Variants in MAP2 observed in about 807,000 individuals in gnomAD.
MAP2 encodes the protein microtubule-associated protein 2.
In MAP2, 14 loss-of-function variants were observed where a neutral mutation model predicts 137.6. That is an observed-to-expected ratio of 0.10 (90% CI 0.07 to 0.16). MAP2 has a LOEUF of 0.16. Ranked by LOEUF, MAP2 falls within the 10% of genes least tolerant of loss-of-function variation. The pLI is 1.00. For missense variants in MAP2, 2,088 were observed against 2,191.5 expected (o/e 0.95, Z 0.94); for synonymous variants, 786 against 782.3 (o/e 1.00, Z -0.08).
At chr2:209,521,007 T>C (rs1001122576) in intron 2 of MAP2, among the ~76,000 whole-genome samples, 1 of 152,094 alleles carries the variant, frequency 6.6e-6, no homozygotes, top group Admixed American at 6.6e-5. Context: ...ATAGTATCTT[T>C]CTTCTTTTGA....
At chr2:209,535,264 C>G (rs560295410) in intron 2 of MAP2, among the ~76,000 whole-genome samples, 1 of 152,208 alleles carries the variant, frequency 6.6e-6, no homozygotes, top group Non-Finnish European at 1.5e-5. Flanking sequence ...TCAATTTGTT[C>G]TTTGTATTTT....
intron 2 of MAP2, among the ~76,000 whole-genome samples, chr2:209,541,491 T>G (rs2067028267): frequency 6.6e-6 from 1 of 151,230 alleles, no homozygotes; most frequent in African/African-American, 2.5e-5. Context: ...CCACATTGGT[T>G]GTGTCTTCCC....
intron 1 of MAP2, among the ~76,000 whole-genome samples, chr2:209,506,822 A>T (rs1420073709): frequency 6.6e-6 from 1 of 152,172 alleles, no homozygotes; most frequent in Non-Finnish European, 1.5e-5. Flanking sequence ...AAATCTTCAG[A>T]TTCTCTGTGC....
chr2:209,519,021 A>T (rs76825505), intron 2 of MAP2, among the ~76,000 whole-genome samples: 2 of 152,076 alleles, frequency 1.3e-5, no homozygotes, highest in Admixed American at 1.3e-4. Context: ...AAAGGGCTCT[A>T]CTACAGGGAG....
intron 5 of MAP2, among the ~76,000 whole-genome samples, chr2:209,657,141 G>A (rs77379034): frequency 0.01 from 1,547 of 151,732 alleles, 29 homozygotes; most frequent in African/African-American, 0.034. Context: ...GTATTCCATC[G>A]TATATCTACA....
rs1013243305 is a variant in MAP2, at chr2:209,695,513, G to T, written c.3343G>T (p.Ala1115Ser). The T allele has an allele frequency of 2.5e-6, 4 of 1,614,000 alleles. No individual in the cohort carries two copies. The highest frequency in any genetic ancestry group is 3.4e-6 in the Non-Finnish European group (4 of 1,180,030). Residue 1115 changes from alanine (A) to serine (S), a missense_variant, in exon 8 of 16, where the codon GCC becomes TCC. Around this residue, in one of 6 missense-constraint regions of MAP2, gnomAD observed 500 missense variants for 482.9 expected, o/e 1.04. Coordinates refer to ENST00000682079, the MANE Select transcript of MAP2 (RefSeq NM_001375505.1). ...VSETEVKEKV[A>S]KPDLVHQEAV... ...TGAGACAGAAGTCAAAGAGAAGGTGGCCAAGCCTGACTTGGTGCACCAGGA... is the reference window on the plus strand; with the variant it reads ...TGAGACAGAAGTCAAAGAGAAGGTGTCCAAGCCTGACTTGGTGCACCAGGA...
intron 11 of MAP2, chr2:209,704,167 G>A (rs983865974): frequency 2.5e-5 from 10 of 397,660 alleles, no homozygotes; most frequent in East Asian, 6.3e-5. Flanking sequence ...CTTTATGTCC[G>A]TGTGTACCCA....
intron 4 of MAP2, among the ~76,000 whole-genome samples, chr2:209,646,291 T>G (rs564013490): frequency 5.6e-4 from 86 of 152,344 alleles, no homozygotes; most frequent in African/African-American, 1.9e-3. Flanking sequence ...TTATGCATTT[T>G]TTTTGCACGA....
At chr2:209,524,155 C>T (rs939066871) in intron 2 of MAP2, among the ~76,000 whole-genome samples, 3 of 151,970 alleles carry the variant, frequency 2.0e-5, no homozygotes, top group African/African-American at 7.2e-5. Context: ...GGCATGGAAA[C>T]CTTGAGAAGG....
chr2:209,682,152 C>G (rs938600181), intron 7 of MAP2, among the ~76,000 whole-genome samples: 6 of 152,128 alleles, frequency 3.9e-5, no homozygotes. Flanking sequence ...CTACAGTCTT[C>G]CAGGTACTCT....
intron 13 of MAP2, among the ~76,000 whole-genome samples, chr2:209,714,794 A>G (rs1184825213): frequency 6.6e-6 from 1 of 152,240 alleles, no homozygotes; most frequent in African/African-American, 2.4e-5. Context: ...CATATAGGAC[A>G]TTAAATATCA....
At chr2:209,728,683 T>C (rs146063130) in intron 14 of MAP2, among the ~76,000 whole-genome samples, 2 of 152,290 alleles carry the variant, frequency 1.3e-5, no homozygotes, top group East Asian at 3.9e-4. Flanking sequence ...GCAACAAGAA[T>C]CCAAAATTGC....
At chr2:209,706,446 T>C (rs944943073) in intron 12 of MAP2, among the ~76,000 whole-genome samples, 1 of 152,090 alleles carries the variant, frequency 6.6e-6, no homozygotes, top group Non-Finnish European at 1.5e-5. Context: ...ACTAATTTAA[T>C]TAGCAAGACT....
At chr2:209,730,027 T>A in intron 15 of MAP2, 65 bp downstream of exon 15, 1 of 1,274,906 alleles carries the variant, frequency 7.8e-7, no homozygotes, top group Non-Finnish European at 1.1e-6. Context: ...ATACTCTTCA[T>A]CAAAATAGGT....
rs925343812 is a variant in MAP2, at chr2:209,732,367, G to A, written c.*1970G>A. On this transcript the variant is annotated 3_prime_UTR_variant, in exon 16 of 16. Transcript: ENST00000682079. Reference sequence around the variant, plus strand: ...CCACACCACTCATTCTCAGCTAAGAGATTTTACACAGGCAAACGTGTCTTA... The same window carrying A: ...CCACACCACTCATTCTCAGCTAAGAAATTTTACACAGGCAAACGTGTCTTA... 7 of 152,202 alleles carry A rather than the reference G, an allele frequency of 4.6e-5. No individual in the cohort carries two copies. The highest frequency in any genetic ancestry group is 1.0e-4 in the Non-Finnish European group (7 of 68,046). 9.4% of individuals were successfully genotyped at this position (152,202 alleles called of 1,614,324 possible). A position where few individuals can be genotyped will look rare whatever the true frequency, so the allele number is the denominator to read the frequency against.
intron 1 of MAP2, among the ~76,000 whole-genome samples, chr2:209,469,584 C>T (rs1475179223): frequency 6.6e-6 from 1 of 151,924 alleles, no homozygotes; most frequent in Non-Finnish European, 1.5e-5. Context: ...ATGCTCATTC[C>T]ATCCTTTATC....
rs115528883 is a variant in MAP2, at chr2:209,562,254, A to G, written c.-171-17782A>G. Among the ~76,000 whole-genome samples, 578 of 152,316 alleles carry G rather than the reference A, an allele frequency of 3.8e-3. 1 individual carries two copies. Among genetic ancestry groups the G allele is most frequent in the Non-Finnish European group, 6.8e-3 (464 of 68,022 alleles). On this transcript the variant is annotated intron_variant, in intron 2 of 15. Transcript: ENST00000682079. ...GATATTATACTTTGGGATTTATCAT[A>G]ATGCCCAAGGCACTACAATATTACT... is the stretch of plus-strand genomic sequence containing the variant.
chr2:209,620,961 G>T (rs559448581), intron 3 of MAP2, among the ~76,000 whole-genome samples: 1 of 152,000 alleles, frequency 6.6e-6, no homozygotes, highest in Non-Finnish European at 1.5e-5. Flanking sequence ...TTAGGAGGCC[G>T]AAGTAGATGG....
intron 7 of MAP2, among the ~76,000 whole-genome samples, chr2:209,689,515 T>G (rs2058211911): frequency 6.6e-6 from 1 of 151,892 alleles, no homozygotes; most frequent in African/African-American, 2.4e-5. Flanking sequence ...CCAAATGGAA[T>G]TTACTTATTT....
Sources: allele counts gnomAD v4.1 joint callset (sites outside exome capture counted in the v4.1 genomes callset), GRCh38; gene constraint gnomAD v4.1.1; regional missense constraint gnomAD v4.1.1; transcripts MANE v1.5; gene names NCBI Gene and HGNC (gene_info 2026-07-23, HGNC 2026-07-21).